The following TMEM33 variants were observed in gnomAD, a reference collection of about 807,000 sequenced individuals.
TMEM33 encodes transmembrane protein 33.
A neutral mutation model predicts 29.7 loss-of-function variants in TMEM33; 16 were observed. The ratio of observed to expected loss-of-function variants is 0.54; its 90% CI spans 0.36 to 0.82. TMEM33 has a LOEUF of 0.82. Among genes scored for constraint, TMEM33 ranks in the 40% least tolerant of loss-of-function variants. The pLI is 0.00. For missense variants in TMEM33, 252 were observed against 295.3 expected, an observed-to-expected ratio of 0.85 and a Z score of 1.08; for synonymous variants, 112 against 109.4, an observed-to-expected ratio of 1.02 and a Z score of -0.15.
At chr4:41,937,462 A>G (rs1317040051) in intron 1 of TMEM33, among the ~76,000 whole-genome samples, 1 of 152,222 alleles carries the variant, frequency 6.6e-6, no homozygotes, top group Non-Finnish European at 1.5e-5. Context: ...GAATTTTACA[A>G]TGTACTTGGA....
rs546187136 is a variant in TMEM33, at chr4:41,935,499, C to T, written c.15C>T (p.Thr5=). Residue 5 remains threonine (T), a synonymous_variant, in exon 1 of 7, where the codon ACC becomes ACT. Transcript: ENST00000504986. ...TGTGAGCCCCCATGGCAGATACGAC[C>T]CCGAACGGCCCCCAAGGGGCGGGCG... is the stretch of plus-strand genomic sequence containing the variant. MADT[T]PNGPQGAGAV... 1.8e-4 allele frequency: 286 copies of T among 1,609,830 alleles called. 2 individuals carry two copies. The South Asian group carries it at 3.0e-3, about 17-fold the overall frequency.
At chr4:41,939,033 T>TA (rs112451412) in intron 2 of TMEM33, among the ~76,000 whole-genome samples, 163 bp from the exon 3 acceptor site, 4,800 of 152,336 alleles carry the variant, frequency 0.032, 110 homozygotes, top group Non-Finnish European at 0.05. Flanking sequence ...CAGTTGGGCA[T>TA]ATATATGAAG....
chr4:41,937,725 C>A (rs1235704239), intron 1 of TMEM33, among the ~76,000 whole-genome samples: 1 of 151,456 alleles, frequency 6.6e-6, no homozygotes. Context: ...AGATCCTAGA[C>A]AAAAAATGTA....
Position 41,957,874 on chromosome 4 carries a change from C to T in TMEM33, c.*3675C>T, listed in dbSNP as rs1343442007. The stretch of plus-strand genomic sequence containing the variant: ...GGCACTCTTTCCTCAGGTAGCCCCC[C>T]ATTTTCACATGATGTGTTTGAAGGT... On this transcript the variant is annotated 3_prime_UTR_variant, in exon 7 of 7. Transcript: ENST00000504986. 1.3e-5 allele frequency: 2 copies of T among 152,064 alleles called. No homozygotes were observed. The highest frequency in any genetic ancestry group is 2.9e-5 in the Non-Finnish European group (2 of 68,022). 9.4% of individuals were successfully genotyped at this position (152,064 alleles called of 1,614,324 possible).
At chr4:41,947,234 CAA>C (rs527622236) in intron 5 of TMEM33, among the ~76,000 whole-genome samples, 27 of 126,508 alleles carry the variant, frequency 2.1e-4, no homozygotes, top group Admixed American at 3.3e-4. Flanking sequence ...GACTCCCTCT[CAA>C]AAAAAAAAAA....
At chr4:41,947,532 C>T (rs886270652) in intron 5 of TMEM33, among the ~76,000 whole-genome samples, 1 of 151,966 alleles carries the variant, frequency 6.6e-6, no homozygotes, top group African/African-American at 2.4e-5. Flanking sequence ...TACAAACTTA[C>T]CATCTTAATT....
chr4:41,944,373 G>C (rs2153127051), intron 4 of TMEM33, among the ~76,000 whole-genome samples: 1 of 152,156 alleles, frequency 6.6e-6, no homozygotes, highest in Admixed American at 6.5e-5. Flanking sequence ...GCTTTGTATT[G>C]GCCTTTTTCT....
intron 3 of TMEM33, among the ~76,000 whole-genome samples, chr4:41,943,300 A>AT (rs1560516967): frequency 6.6e-6 from 1 of 152,192 alleles, no homozygotes; most frequent in Non-Finnish European, 1.5e-5. Context: ...CGAGGTGGGC[A>AT]TATCACCTGT....
intron 1 of TMEM33, 29 bp downstream of exon 1, chr4:41,935,558 T>G (rs1229144086): frequency 1.3e-6 from 2 of 1,592,524 alleles, no homozygotes; most frequent in Non-Finnish European, 8.6e-7. Flanking sequence ...TAGTCTGGCT[T>G]GATTTGCAAG....
At position 41,940,048 on chromosome 4, in the gene TMEM33, T is replaced by C. The variant is rs1040413955; in HGVS notation, c.328+665T>C. On this transcript the variant is annotated intron_variant, in intron 3 of 6. Transcript: ENST00000504986. Reference sequence around the variant, plus strand: ...TAGTGAACACTAGGTTAAACTTTCTTTTTTTTTTTTTTTTTTTTTTTTGAG... The same window carrying C: ...TAGTGAACACTAGGTTAAACTTTCTCTTTTTTTTTTTTTTTTTTTTTTGAG... 8.2e-3 allele frequency among the ~76,000 whole-genome samples: 985 copies of C among 120,102 alleles called. 15 individuals are homozygous for C. The highest frequency in any genetic ancestry group is 0.028 in the African/African-American group (937 of 33,930). The allele number at this position is 120,102 out of a possible 152,430, so 78.8% of individuals were successfully genotyped here. A position where few individuals can be genotyped will look rare whatever the true frequency, so the allele number is the denominator to read the frequency against.
chr4:41,954,376 G>T lies in TMEM33; in HGVS notation c.*177G>T. On this transcript the variant is annotated 3_prime_UTR_variant, in exon 7 of 7. Coordinates refer to ENST00000504986, the MANE Select transcript of TMEM33 (RefSeq NM_018126.3). ...TGGCATGTTAAATCAAGCTTAAAAA[G>T]TTTTGAGAAAATTTTACTGCGCTGT... 1 of 745,432 alleles carries T rather than the reference G, an allele frequency of 1.3e-6. No individual in the cohort carries two copies. The highest frequency in any genetic ancestry group is 2.0e-6 in the Non-Finnish European group (1 of 507,684). The allele number at this position is 745,432 out of a possible 1,614,324, so 46.2% of individuals were successfully genotyped here. A position where few individuals can be genotyped will look rare whatever the true frequency, so the allele number is the denominator to read the frequency against.
chr4:41,947,089 A>G (rs764117681), intron 5 of TMEM33, among the ~76,000 whole-genome samples: 7 of 152,092 alleles, frequency 4.6e-5, no homozygotes, highest in Non-Finnish European at 8.8e-5. Flanking sequence ...TACAAAAATT[A>G]GCTGGGCCTG....
intron 1 of TMEM33, among the ~76,000 whole-genome samples, chr4:41,936,538 C>G (rs1478748727): frequency 6.7e-6 from 1 of 149,974 alleles, no homozygotes; most frequent in East Asian, 1.9e-4. Flanking sequence ...GCAAAACCTT[C>G]TCTCAAAACA....
intron 4 of TMEM33, chr4:41,944,049 G>T: frequency 8.6e-6 from 4 of 465,494 alleles, no homozygotes; most frequent in Non-Finnish European, 1.5e-5. Context: ...AGTCTCCAGG[G>T]GAATTTTTCA....
Position 41,956,753 on chromosome 4 carries a change from T to C in TMEM33, c.*2554T>C. The C allele has an allele frequency of 6.6e-6, 1 of 152,216 alleles. No homozygotes were observed. The highest frequency in any genetic ancestry group is 1.9e-4 in the East Asian group (1 of 5,204). 9.4% of individuals were successfully genotyped at this position (152,216 alleles called of 1,614,324 possible). On this transcript the variant is annotated 3_prime_UTR_variant, in exon 7 of 7. Coordinates refer to ENST00000504986, the MANE Select transcript of TMEM33 (RefSeq NM_018126.3). ...TGTTTGACAAGTTGAAACAGATTTG[T>C]TTCTTAAAGGAAGGTTTAATATACA...
intron 3 of TMEM33, chr4:41,939,966 T>C (rs955830408): frequency 2.7e-6 from 1 of 367,104 alleles, no homozygotes; most frequent in Non-Finnish European, 5.3e-6. Context: ...CAAAGGTGTG[T>C]TGTGGGATGA....
At chr4:41,944,740 T>C (rs746637924) in intron 4 of TMEM33, 53 bp from the exon 5 acceptor site, 135 of 1,590,556 alleles carry the variant, frequency 8.5e-5, no homozygotes, top group Non-Finnish European at 1.1e-4. Flanking sequence ...AAAGAAAATA[T>C]TGTTATCAGA....
At position 41,958,239 on chromosome 4, in the gene TMEM33, G is replaced by C. The variant is rs999973571; in HGVS notation, c.*4040G>C. 1 of 152,250 alleles carries C rather than the reference G, an allele frequency of 6.6e-6. No individual in the cohort carries two copies. Among genetic ancestry groups the C allele is most frequent in the African/African-American group, 2.4e-5 (1 of 41,438 alleles). The allele number at this position is 152,250 out of a possible 1,614,324, so 9.4% of individuals were successfully genotyped here. On this transcript the variant is annotated 3_prime_UTR_variant, in exon 7 of 7. Coordinates refer to ENST00000504986, the MANE Select transcript of TMEM33 (RefSeq NM_018126.3). ...TTGGCCAGGCTGGTCTTGAACTCCT[G>C]ACCTCGTGATCCCCCCACCTCGGCC...
rs1713412503 is a variant in TMEM33 at position 41,960,058 on chromosome 4, A to G, written c.*5859A>G. On this transcript the variant is annotated 3_prime_UTR_variant, in exon 7 of 7. Transcript: ENST00000504986. The stretch of plus-strand genomic sequence containing the variant: ...TCCCCTGTATTCAAGACCAAAGCAC[A>G]TAAATGCTAATGTAGGGCTCAGAGG... 1 of 152,208 alleles carries G rather than the reference A, an allele frequency of 6.6e-6. No individual in the cohort carries two copies. Among genetic ancestry groups the G allele is most frequent in the South Asian group, 2.1e-4 (1 of 4,836 alleles). The allele number at this position is 152,208 out of a possible 1,614,324, so 9.4% of individuals were successfully genotyped here. A position where few individuals can be genotyped will look rare whatever the true frequency, so the allele number is the denominator to read the frequency against.
Sources: allele counts gnomAD v4.1 joint callset (sites outside exome capture counted in the v4.1 genomes callset), GRCh38; gene constraint gnomAD v4.1.1; transcripts MANE v1.5; gene names NCBI Gene and HGNC (gene_info 2026-07-23, HGNC 2026-07-21).